The following WWTR1 variants were observed in gnomAD, a reference collection of about 807,000 sequenced individuals.
WWTR1 encodes WW domain-containing transcription regulator protein 1.
In WWTR1, 13 loss-of-function variants were observed where a neutral mutation model predicts 40.1. That is an observed-to-expected ratio of 0.32 (90% CI 0.21 to 0.52). The LOEUF is 0.52. Ranked by LOEUF, WWTR1 falls within the 20% of genes least tolerant of loss-of-function variation. WWTR1 has a pLI of 0.97. For missense variants in WWTR1, 436 were observed against 523.1 expected (o/e 0.83, Z 1.63); for synonymous variants, 230 against 210.1 (o/e 1.09, Z -0.82).
upstream of WWTR1, among the ~76,000 whole-genome samples, chr3:149,659,151 T>C (rs1713446712): frequency 6.6e-6 from 1 of 152,068 alleles, no homozygotes; most frequent in Non-Finnish European, 1.5e-5. Flanking sequence ...TGGGGGGAGA[T>C]GGCGAGGTAA....
exon 2 of WWTR1, chr3:149,669,799 C>T (rs1713996505): frequency 6.6e-6 from 1 of 152,078 alleles, no homozygotes; most frequent in Non-Finnish European, 1.5e-5. Context: ...TGGAAAATCA[C>T]TAGTAAGCGT....
At chr3:149,602,790 G>A (rs549816117) in intron 2 of WWTR1, among the ~76,000 whole-genome samples, 80 of 152,090 alleles carry the variant, frequency 5.3e-4, no homozygotes, top group African/African-American at 1.8e-3. Context: ...TCAGCCTCCC[G>A]AGTTGCTGGG....
intron 2 of WWTR1, among the ~76,000 whole-genome samples, chr3:149,590,439 C>G (rs1423315707): frequency 1.3e-5 from 2 of 152,264 alleles, no homozygotes; most frequent in East Asian, 3.9e-4. Context: ...CACCTGAGGT[C>G]AGGAGTTTCA....
chr3:149,528,444 GT>G (rs1735430688), intron 4 of WWTR1, among the ~76,000 whole-genome samples: 1 of 152,174 alleles, frequency 6.6e-6, no homozygotes, highest in South Asian at 2.1e-4. Context: ...GCATCTGGCA[GT>G]TTTATGTTTA....
chr3:149,654,990 G>A (rs1713113441), intron 2 of WWTR1, among the ~76,000 whole-genome samples: 1 of 152,178 alleles, frequency 6.6e-6, no homozygotes, highest in Admixed American at 6.5e-5. Context: ...GCCGGGCTTG[G>A]TGGCGGGTGC....
At chr3:149,639,993 C>CAAAAAAAAAAAA (rs1215330406) in intron 2 of WWTR1, among the ~76,000 whole-genome samples, 2 of 76,304 alleles carry the variant, frequency 2.6e-5, no homozygotes, top group African/African-American at 9.3e-5. Flanking sequence ...GACTCCGTCT[C>CAAAAAAAAAAAA]AAAAAAAAAA....
intron 1 of WWTR1, among the ~76,000 whole-genome samples, chr3:149,681,540 C>G (rs1714458278): frequency 6.6e-6 from 1 of 151,970 alleles, no homozygotes. Context: ...AGTTTTTTTG[C>G]TGTTGAGTTG....
At chr3:149,565,731 G>A (rs559715515) in intron 3 of WWTR1, among the ~76,000 whole-genome samples, 86 of 151,948 alleles carry the variant, frequency 5.7e-4, no homozygotes, top group African/African-American at 2.0e-3. Context: ...GACCAACACA[G>A]AGAAACCCCG....
At chr3:149,692,031 T>A (rs1714843063) in intron 1 of WWTR1, among the ~76,000 whole-genome samples, 2 of 151,490 alleles carry the variant, frequency 1.3e-5, no homozygotes, top group Admixed American at 1.3e-4. Context: ...AAAAAATCAT[T>A]TAAAAAGAAA....
chr3:149,680,791 A>G (rs1714436796), intron 1 of WWTR1, among the ~76,000 whole-genome samples: 1 of 152,130 alleles, frequency 6.6e-6, no homozygotes, highest in Non-Finnish European at 1.5e-5. Context: ...GCAGTGAGCT[A>G]TGACCATGCC....
At chr3:149,600,554 TA>T (rs1208986321) in intron 2 of WWTR1, among the ~76,000 whole-genome samples, 1 of 152,178 alleles carries the variant, frequency 6.6e-6, no homozygotes, top group Non-Finnish European at 1.5e-5. Flanking sequence ...ATAAAATTGA[TA>T]ATAAGCATTA....
intron 1 of WWTR1, among the ~76,000 whole-genome samples, chr3:149,673,339 G>C (rs1714156883): frequency 6.6e-6 from 1 of 152,186 alleles, no homozygotes; most frequent in Non-Finnish European, 1.5e-5. Flanking sequence ...ATTCAATGAT[G>C]TGTACGTTAT....
intron 1 of WWTR1, among the ~76,000 whole-genome samples, chr3:149,687,449 G>T (rs964336337): frequency 2.0e-5 from 3 of 152,152 alleles, no homozygotes; most frequent in Admixed American, 6.5e-5. Context: ...GAGGCAAAAA[G>T]ATTTTTTAAA....
chr3:149,692,981 G>C (rs1471324393), intron 1 of WWTR1, among the ~76,000 whole-genome samples: 1 of 152,068 alleles, frequency 6.6e-6, no homozygotes, highest in Non-Finnish European at 1.5e-5. Context: ...GTTCTAGCTA[G>C]AGCAATCATA....
chr3:149,643,519 C>T (rs1286857889), intron 2 of WWTR1, among the ~76,000 whole-genome samples: 5 of 152,148 alleles, frequency 3.3e-5, no homozygotes, highest in Non-Finnish European at 7.3e-5. Context: ...ACACTGATTT[C>T]GGACCCCATT....
intron 4 of WWTR1, among the ~76,000 whole-genome samples, chr3:149,529,611 C>T (rs1025807972): frequency 6.6e-5 from 10 of 152,102 alleles, no homozygotes; most frequent in Non-Finnish European, 1.2e-4. Context: ...CTTGGAAGTG[C>T]CTTCTGAATA....
chr3:149,677,615 T>C (rs1714311182), intron 1 of WWTR1, among the ~76,000 whole-genome samples: 1 of 151,952 alleles, frequency 6.6e-6, no homozygotes, highest in South Asian at 2.1e-4. Flanking sequence ...CCGAGACGGG[T>C]GGATCAACTG....
At chr3:149,723,252 G>A (rs1003076592) in intron 4 of WWTR1, among the ~76,000 whole-genome samples, 9 of 135,614 alleles carry the variant, frequency 6.6e-5, no homozygotes, top group Admixed American at 1.6e-4. Flanking sequence ...TCAATGGCAC[G>A]ATCTCGGCTC....
At chr3:149,662,297 G>A (rs1292017009), upstream of WWTR1, among the ~76,000 whole-genome samples, 3 of 152,082 alleles carry the variant, frequency 2.0e-5, no homozygotes, top group Non-Finnish European at 4.4e-5. Flanking sequence ...ATTTTAAATC[G>A]TGTGATACTT....
Sources: allele counts gnomAD v4.1 joint callset (sites outside exome capture counted in the v4.1 genomes callset), GRCh38; gene constraint gnomAD v4.1.1; transcripts MANE v1.5; gene names NCBI Gene and HGNC (gene_info 2026-07-23, HGNC 2026-07-21).